The following CDKN3 variants were observed in gnomAD, a reference collection of about 807,000 sequenced individuals.
CDKN3 encodes cyclin dependent kinase inhibitor 3, also known as cyclin-dependent kinase inhibitor 3.
A neutral mutation model predicts 36.1 loss-of-function variants in CDKN3; 19 were observed. The observed-to-expected ratio is 0.53, with a 90% confidence interval of 0.37 to 0.77. The LOEUF is 0.77. Among genes scored for constraint, CDKN3 ranks in the 30% least tolerant of loss-of-function variants. The pLI is 0.00. For synonymous variants in CDKN3, 71 were observed against 85.3 expected (o/e 0.83, Z 0.92); for missense variants, 188 against 248.6 (o/e 0.76, Z 1.64).
chr14:54,418,284 T>C (rs940202490), intron 7 of CDKN3: 3 of 701,998 alleles, frequency 4.3e-6, no homozygotes, highest in Non-Finnish European at 7.8e-6. Flanking sequence ...GACAATGAGA[T>C]GGTTATTGTT....
At position 54,415,903 on chromosome 14, in the gene CDKN3, T is replaced by C. The variant is rs1457213942; in HGVS notation, c.421T>C (p.Tyr141His). 2 of 1,604,292 alleles carry C rather than the reference T, an allele frequency of 1.2e-6. No individual in the cohort carries two copies. Among genetic ancestry groups the C allele is most frequent in the African/African-American group, 2.7e-5 (2 of 74,748 alleles). Residue 141 changes from tyrosine to histidine, a missense_variant, in exon 6 of 8, where the codon TAT becomes CAT. By Grantham distance (83) the Tyr-to-His change is moderately conservative. Coordinates refer to ENST00000335183, the MANE Select transcript of CDKN3 (RefSeq NM_005192.4). Reference sequence around the variant, plus strand: ...AAAACTGTATTTCCCTTTCAGCTGCTATGGAGGACTTGGGAGATCTTGTCT... The same window carrying C: ...AAAACTGTATTTCCCTTTCAGCTGCCATGGAGGACTTGGGAGATCTTGTCT... ...KNYRKTLIHC[Y>H]GGLGRSCLVA... is the part of the protein sequence containing the mutation.
rs150831220 is a variant in CDKN3, at chr14:54,402,042, T to C, written c.148+463T>C. Among the ~76,000 whole-genome samples, 357 of 152,152 alleles carry C rather than the reference T, an allele frequency of 2.3e-3. 3 individuals carry two copies. The highest frequency in any genetic ancestry group is 7.8e-3 in the African/African-American group (325 of 41,500). On this transcript the variant is annotated intron_variant, in intron 3 of 7. Transcript: ENST00000335183. ...GGACAACATGGTGAAACCCCGTCTC[T>C]ACTAAAAATACAAAAATTAGCTGGG... is the stretch of plus-strand genomic sequence containing the variant.
At position 54,408,808 on chromosome 14, in the gene CDKN3, A is replaced by C. The variant is rs2030253261; in HGVS notation, c.193+19A>C. The C allele has an allele frequency of 6.5e-7, 1 of 1,549,530 alleles. No individual in the cohort carries two copies. Among genetic ancestry groups the C allele is most frequent in the African/African-American group, 1.4e-5 (1 of 71,152 alleles). ...GATACAGGTAGGTATAATATCACGC[A>C]ACCACACTCATGGGTTTTTTAAATG... is the stretch of plus-strand genomic sequence containing the variant. On this transcript the variant is annotated intron_variant, in intron 4 of 7. Coordinates refer to ENST00000335183, the MANE Select transcript of CDKN3 (RefSeq NM_005192.4).
At chr14:54,418,945 G>A (rs2030640427) in intron 7 of CDKN3, among the ~76,000 whole-genome samples, 1 of 152,088 alleles carries the variant, frequency 6.6e-6, no homozygotes, top group South Asian at 2.1e-4. Flanking sequence ...GATCACTTAA[G>A]GCCAGGAGTT....
intron 2 of CDKN3, 109 bp from the exon 3 acceptor site, chr14:54,401,415 C>A: frequency 1.5e-6 from 1 of 654,924 alleles, no homozygotes; most frequent in South Asian, 2.2e-5. Flanking sequence ...TACTGTAAAA[C>A]TTTAACACAA....
At chr14:54,401,036 A>T (rs1295215095) in intron 2 of CDKN3, among the ~76,000 whole-genome samples, 1 of 152,234 alleles carries the variant, frequency 6.6e-6, no homozygotes, top group Non-Finnish European at 1.5e-5. Context: ...ACTAATACAA[A>T]TTATCTCAGG....
intron 1 of CDKN3, among the ~76,000 whole-genome samples, chr14:54,398,987 C>CTTTTTTTTTTTTTT (rs113342693): frequency 6.4e-5 from 7 of 109,264 alleles, no homozygotes; most frequent in East Asian, 2.6e-4. Flanking sequence ...TTTCTTCTTC[C>CTTTTTTTTTTTTTT]TTTTTTTTTT....
At chr14:54,413,836 C>A in intron 5 of CDKN3, 2 of 1,395,976 alleles carry the variant, frequency 1.4e-6, no homozygotes, top group East Asian at 2.7e-5. Context: ...TTTGTAGTTT[C>A]TTGGGGCTAT....
At chr14:54,419,297 T>C (rs2030652525) in intron 7 of CDKN3, among the ~76,000 whole-genome samples, 1 of 152,220 alleles carries the variant, frequency 6.6e-6, no homozygotes, top group Non-Finnish European at 1.5e-5. Context: ...GATAATTAAG[T>C]CCATATTACT....
In CDKN3 at chr14:54,411,499, G is replaced by A. The variant is rs1048282679; in HGVS notation, c.209G>A (p.Cys70Tyr). The change falls in exon 5 of 8, where the codon TGT becomes TAT. Residue 70 changes from cysteine to tyrosine, a missense_variant. Physicochemically the swap from Cys to Tyr is radical, Grantham distance 194. Transcript: ENST00000335183. ...VQKDTEELKS[C>Y]GIQDIFVFCT... is the part of the protein sequence containing the mutation. ...CTATTGGCAGAAGAACTAAAGAGCT[G>A]TGGTATACAAGACATATTTGTTTTC... 1 of 1,613,416 alleles carries A rather than the reference G, an allele frequency of 6.2e-7. No individual in the cohort carries two copies.
chr14:54,417,917 A>T lies in CDKN3; in HGVS notation c.518A>T (p.Asp173Val). The change falls in exon 7 of 8, where the codon GAC becomes GTC. Residue 173 changes from aspartate to valine, a missense_variant. By Grantham distance (152) the Asp-to-Val change is radical. Transcript: ENST00000335183. ...SPEQAIDSLR[D>V]LRGSGAIQTI... ...GAGCAAGCCATAGACAGCCTGCGAGACCTAAGAGGATCCGGGGCAATACAG... is the reference window on the plus strand; with the variant it reads ...GAGCAAGCCATAGACAGCCTGCGAGTCCTAAGAGGATCCGGGGCAATACAG... The T allele has an allele frequency of 6.3e-7, 1 of 1,595,320 alleles. No homozygotes were observed. Among genetic ancestry groups the T allele is most frequent in the African/African-American group, 1.3e-5 (1 of 74,830 alleles).
intron 3 of CDKN3, among the ~76,000 whole-genome samples, chr14:54,407,264 G>C (rs1341219332): frequency 6.6e-6 from 1 of 152,210 alleles, no homozygotes; most frequent in Non-Finnish European, 1.5e-5. Context: ...GAGTTCTCCT[G>C]TACGAAGTGT....
At chr14:54,401,404 C>A in intron 2 of CDKN3, 120 bp from the exon 3 acceptor site, 2 of 588,288 alleles carry the variant, frequency 3.4e-6, no homozygotes, top group Non-Finnish European at 3.1e-6. Context: ...TACTTTGTGA[C>A]TACTGTAAAA....
intron 4 of CDKN3, among the ~76,000 whole-genome samples, chr14:54,409,013 T>C (rs1430469843): frequency 6.6e-6 from 1 of 152,216 alleles, no homozygotes; most frequent in Non-Finnish European, 1.5e-5. Flanking sequence ...GTTGTAGTTA[T>C]ATTATACATA....
intron 1 of CDKN3, among the ~76,000 whole-genome samples, chr14:54,398,249 C>A (rs899696015): frequency 6.6e-6 from 1 of 152,244 alleles, no homozygotes; most frequent in African/African-American, 2.4e-5. Flanking sequence ...TAGGTGCTTA[C>A]AATTGCTAAT....
At chr14:54,411,411 C>A in intron 4 of CDKN3, 73 bp from the exon 5 acceptor site, 4 of 1,141,636 alleles carry the variant, frequency 3.5e-6, no homozygotes, top group Non-Finnish European at 3.8e-6. Context: ...ATTTCATATT[C>A]TCCCTCTTGA....
chr14:54,402,540 G>T (rs925907264), intron 3 of CDKN3, among the ~76,000 whole-genome samples: 4 of 152,108 alleles, frequency 2.6e-5, no homozygotes, highest in African/African-American at 9.7e-5. Flanking sequence ...CTGTGCAGAA[G>T]CTCTTTAGTT....
chr14:54,404,766 G>A (rs1382198084), intron 3 of CDKN3, among the ~76,000 whole-genome samples: 2 of 152,044 alleles, frequency 1.3e-5, no homozygotes, highest in East Asian at 1.9e-4. Flanking sequence ...TAGTAGAGAC[G>A]GGGGTTTCAC....
chr14:54,411,891 A>T, intron 5 of CDKN3, 185 bp downstream of exon 5: 1 of 636,792 alleles, frequency 1.6e-6, no homozygotes, highest in East Asian at 2.7e-5. Context: ...ACGTGCTGTT[A>T]TTACTTTTCA....
Sources: allele counts gnomAD v4.1 joint callset (sites outside exome capture counted in the v4.1 genomes callset), GRCh38; gene constraint gnomAD v4.1.1; transcripts MANE v1.5; gene names NCBI Gene and HGNC (gene_info 2026-07-23, HGNC 2026-07-21).